Variants in CNTNAP5 observed in about 807,000 individuals in gnomAD.
CNTNAP5 encodes the protein contactin associated protein family member 5.
Under a neutral mutation model 150.2 loss-of-function variants are expected in CNTNAP5, and 72 were observed. That is an observed-to-expected ratio of 0.48 (90% CI 0.40 to 0.58). CNTNAP5 has a LOEUF of 0.58. CNTNAP5 is among the 20% of genes least tolerant of loss of function. The probability of loss-of-function intolerance (pLI) is 0.00; values close to 1 mark genes in which losing one functional copy is unlikely to be tolerated. For missense variants in CNTNAP5, 1,636 were observed against 1,626.2 expected (o/e 1.01, Z -0.10); for synonymous variants, 672 against 619.8 (o/e 1.08, Z -1.25).
At chr2:124,737,510 T>C (rs1345239194) in intron 13 of CNTNAP5, among the ~76,000 whole-genome samples, 1 of 152,062 alleles carries the variant, frequency 6.6e-6, no homozygotes, top group Admixed American at 6.5e-5. Context: ...GGGCACAGGC[T>C]GGATTGTGGA....
intron 1 of CNTNAP5, among the ~76,000 whole-genome samples, chr2:124,107,757 G>A (rs1258254656): frequency 6.6e-6 from 1 of 152,182 alleles, no homozygotes; most frequent in East Asian, 1.9e-4. Context: ...TTTTGTCAAG[G>A]TTAAGGATGC....
At chr2:124,407,695 T>C (rs1178493415) in intron 3 of CNTNAP5, among the ~76,000 whole-genome samples, 1 of 152,212 alleles carries the variant, frequency 6.6e-6, no homozygotes, top group African/African-American at 2.4e-5. Flanking sequence ...AGGCATTGTA[T>C]AGGATTAGAG....
intron 4 of CNTNAP5, among the ~76,000 whole-genome samples, chr2:124,426,583 CT>C (rs1275338898): frequency 2.0e-5 from 3 of 152,210 alleles, no homozygotes; most frequent in Non-Finnish European, 2.9e-5. Flanking sequence ...GAATCGATAG[CT>C]TCTCCTGTCA....
intron 19 of CNTNAP5, among the ~76,000 whole-genome samples, chr2:124,823,404 A>G (rs1414300549): frequency 6.6e-6 from 1 of 152,124 alleles, no homozygotes; most frequent in Non-Finnish European, 1.5e-5. Flanking sequence ...TTTTCTTACC[A>G]TTCACACATT....
chr2:124,615,179 A>G (rs931262135), intron 12 of CNTNAP5, among the ~76,000 whole-genome samples: 1 of 152,170 alleles, frequency 6.6e-6, no homozygotes, highest in Non-Finnish European at 1.5e-5. Context: ...GCAATTTCTT[A>G]AAATAAGACT....
intron 14 of CNTNAP5, among the ~76,000 whole-genome samples, chr2:124,754,179 A>G (rs538589945): frequency 7.2e-5 from 11 of 152,290 alleles, no homozygotes; most frequent in South Asian, 2.1e-4. Context: ...ACCACATAGT[A>G]TCTTGAGAAG....
At chr2:124,167,558 A>T (rs1260923708) in intron 1 of CNTNAP5, among the ~76,000 whole-genome samples, 1 of 152,178 alleles carries the variant, frequency 6.6e-6, no homozygotes, top group Non-Finnish European at 1.5e-5. Context: ...ATGGGGAAAA[A>T]CTGATTTCAC....
intron 19 of CNTNAP5, among the ~76,000 whole-genome samples, chr2:124,812,791 C>T (rs963850623): frequency 6.6e-5 from 10 of 152,098 alleles, no homozygotes; most frequent in Non-Finnish European, 1.2e-4. Context: ...TCCCATATCT[C>T]CCTAAAATGT....
rs369026856 is a variant in CNTNAP5, at chr2:124,417,572, G to T, written c.511G>T (p.Val171Phe). ...TGGGAAGATTGGCATGAGAGTCGAGGTCTACGGATGTTCCTATAGTAAGTA... is the reference window on the plus strand; with the variant it reads ...TGGGAAGATTGGCATGAGAGTCGAGTTCTACGGATGTTCCTATAGTAAGTA... ...PSGKIGMRVE[V>F]YGCSYKSDVA... Residue 171 changes from valine (V) to phenylalanine (F), a missense_variant, in exon 4 of 24, where the codon GTC becomes TTC. Coordinates refer to ENST00000682447, the MANE Select transcript of CNTNAP5 (RefSeq NM_001367498.1). 8 of 1,613,460 alleles carry T rather than the reference G, an allele frequency of 5.0e-6. No individual in the cohort carries two copies. The highest frequency in any genetic ancestry group is 6.8e-6 in the Non-Finnish European group (8 of 1,179,654).
At chr2:124,326,211 T>G (rs1362782262) in intron 3 of CNTNAP5, among the ~76,000 whole-genome samples, 1 of 152,208 alleles carries the variant, frequency 6.6e-6, no homozygotes, top group Non-Finnish European at 1.5e-5. Flanking sequence ...CCAGGGAGCC[T>G]GTGCATGGGG....
rs150409978 is a variant in CNTNAP5, at chr2:124,500,581, T to C, written c.1063-3711T>C. Reference sequence around the variant, plus strand: ...TGGTATACTGAACTCTGCAGAATTCTTGCTAAAACTGGAAAAAACGGGACA... The same window carrying C: ...TGGTATACTGAACTCTGCAGAATTCCTGCTAAAACTGGAAAAAACGGGACA... On this transcript the variant is annotated intron_variant, in intron 7 of 23. Coordinates refer to ENST00000682447, the MANE Select transcript of CNTNAP5 (RefSeq NM_001367498.1). 7.8e-3 allele frequency among the ~76,000 whole-genome samples: 1,191 copies of C among 152,224 alleles called. 18 individuals are homozygous for C. The highest frequency in any genetic ancestry group is 0.027 in the African/African-American group (1,108 of 41,536).
chr2:124,061,632 A>G (rs549220407), intron 1 of CNTNAP5, among the ~76,000 whole-genome samples: 1 of 152,338 alleles, frequency 6.6e-6, no homozygotes, highest in East Asian at 1.9e-4. Flanking sequence ...GTTTGTAATT[A>G]GGTTGTATAT....
chr2:124,539,975 A>T (rs1044113572), intron 10 of CNTNAP5, among the ~76,000 whole-genome samples: 1 of 152,186 alleles, frequency 6.6e-6, no homozygotes, highest in African/African-American at 2.4e-5. Flanking sequence ...TCCTGGGAGT[A>T]CTGTAGACAT....
intron 13 of CNTNAP5, among the ~76,000 whole-genome samples, chr2:124,668,439 T>C (rs1473068685): frequency 6.6e-6 from 1 of 152,190 alleles, no homozygotes; most frequent in Admixed American, 6.5e-5. Flanking sequence ...GTTGAATCAT[T>C]ACTGTAAAGA....
intron 7 of CNTNAP5, among the ~76,000 whole-genome samples, chr2:124,481,042 A>T (rs1393848489): frequency 6.6e-6 from 1 of 152,200 alleles, no homozygotes; most frequent in East Asian, 1.9e-4. Context: ...TAGCTTATGA[A>T]TAAGGGAAAT....
At chr2:124,857,139 G>A (rs1258865608) in intron 19 of CNTNAP5, among the ~76,000 whole-genome samples, 3 of 152,104 alleles carry the variant, frequency 2.0e-5, no homozygotes, top group East Asian at 1.9e-4. Flanking sequence ...ATGGGGTGAC[G>A]AGGAAGAGAC....
intron 1 of CNTNAP5, among the ~76,000 whole-genome samples, chr2:124,097,342 C>T (rs1175316574): frequency 6.6e-6 from 1 of 152,154 alleles, no homozygotes; most frequent in East Asian, 1.9e-4. Context: ...ATTCCATCCA[C>T]CACAGAGATG....
At chr2:124,145,653 GGGA>G (rs1260231031) in intron 1 of CNTNAP5, among the ~76,000 whole-genome samples, 2 of 72,768 alleles carry the variant, frequency 2.7e-5, no homozygotes, top group African/African-American at 5.4e-5. Context: ...GTGGGGTCGG[GGGA>G]GGGGGGAGGG....
chr2:124,462,573 A>G (rs905840917), intron 6 of CNTNAP5, among the ~76,000 whole-genome samples: 3 of 152,178 alleles, frequency 2.0e-5, no homozygotes, highest in African/African-American at 7.2e-5. Flanking sequence ...AGCTGCTATT[A>G]GGGGGATGCT....
Sources: gnomAD v4.1 joint callset for allele counts (sites outside exome capture counted in the v4.1 genomes callset) on GRCh38, gnomAD v4.1.1 for gene constraint, MANE v1.5 for transcripts, NCBI Gene and HGNC (gene_info 2026-07-23, HGNC 2026-07-21) for gene names.